The following STIM1 variants were observed in gnomAD, a reference collection of about 807,000 sequenced individuals.
STIM1 encodes the protein stromal interaction molecule 1.
Under a neutral mutation model 74.7 loss-of-function variants are expected in STIM1, and 25 were observed. The ratio of observed to expected loss-of-function variants is 0.33; its 90% CI spans 0.24 to 0.47. STIM1 has a LOEUF of 0.47. STIM1 is among the 20% of genes least tolerant of loss of function. The probability of loss-of-function intolerance (pLI) is 1.00; values close to 1 mark genes in which losing one functional copy is unlikely to be tolerated. For missense variants in STIM1, 728 were observed against 920.8 expected (o/e 0.79, Z 2.71); for synonymous variants, 328 against 348.8 (o/e 0.94, Z 0.66).
At position 4,082,362 on chromosome 11, in the gene STIM1, C is replaced by T; in HGVS notation, c.1137+11C>T. 1 of 1,604,608 alleles carries T rather than the reference C, an allele frequency of 6.2e-7. No individual in the cohort carries two copies. The highest frequency in any genetic ancestry group is 8.5e-7 in the Non-Finnish European group (1 of 1,175,916). ...GTGGCCAAGGAGGGGGTGAGAACAG[C>T]CCTTCTATTGTCCTCTTTTCTCCTT... On this transcript the variant is annotated intron_variant, in intron 8 of 12. Coordinates refer to ENST00000526596, the MANE Select transcript of STIM1 (RefSeq NM_001382567.1).
At chr11:4,067,640 G>A (rs2094376842) in intron 5 of STIM1, among the ~76,000 whole-genome samples, 2 of 152,332 alleles carry the variant, frequency 1.3e-5, no homozygotes, top group Middle Eastern at 3.4e-3. Flanking sequence ...GCAAGTTAGT[G>A]TCCCTTACAG....
At chr11:3,973,125 G>A in intron 2 of STIM1, 1 of 415,326 alleles carries the variant, frequency 2.4e-6, no homozygotes, top group East Asian at 6.2e-5. Flanking sequence ...AGCGTAACCA[G>A]GGCTGCCCCT....
chr11:3,856,477 C>A, intron 1 of STIM1, 68 bp downstream of exon 1: 1 of 1,559,010 alleles, frequency 6.4e-7, no homozygotes, highest in Non-Finnish European at 8.7e-7. Flanking sequence ...CCGAAGTGGG[C>A]AAGTTGAAAT....
chr11:3,908,542 G>A (rs866927695), intron 1 of STIM1, among the ~76,000 whole-genome samples: 22 of 151,752 alleles, frequency 1.4e-4, no homozygotes, highest in Middle Eastern at 3.4e-3. Flanking sequence ...AACCTGGGAG[G>A]TGGAGCTTGC....
intron 2 of STIM1, among the ~76,000 whole-genome samples, chr11:3,991,973 GAA>G (rs35772913): frequency 6.2e-3 from 509 of 82,140 alleles, no homozygotes; most frequent in African/African-American, 0.016. Flanking sequence ...AAAAAAAAAA[GAA>G]AAAAAAAAAA....
chr11:3,881,109 G>A lies in STIM1; in HGVS notation c.139+24700G>A, dbSNP rs866410468. Among the ~76,000 whole-genome samples the A allele has an allele frequency of 5.3e-3, 746 of 141,272 alleles. 6 individuals are homozygous for A. Among genetic ancestry groups the A allele is most frequent in the Middle Eastern group, 0.03 (8 of 268 alleles). The allele number at this position is 141,272 out of a possible 152,430, so 92.7% of individuals were successfully genotyped here. Reference sequence around the variant, plus strand: ...CGTTTATTAAAAAAAAAAAAAAAAAGGAAAATCACATAACATAAAATTAAT... The same window carrying A: ...CGTTTATTAAAAAAAAAAAAAAAAAAGAAAATCACATAACATAAAATTAAT... On this transcript the variant is annotated intron_variant, in intron 1 of 12. Coordinates refer to ENST00000526596, the MANE Select transcript of STIM1 (RefSeq NM_001382567.1).
chr11:4,045,897 G>C (rs1341934128), intron 3 of STIM1, among the ~76,000 whole-genome samples: 1 of 149,206 alleles, frequency 6.7e-6, no homozygotes, highest in African/African-American at 2.5e-5. Flanking sequence ...CTCCCGAGTA[G>C]CTGGGATTAC....
At position 3,879,570 on chromosome 11, in the gene STIM1, T is replaced by C. The variant is rs186917164; in HGVS notation, c.139+23161T>C. On this transcript the variant is annotated intron_variant, in intron 1 of 12. Coordinates refer to ENST00000526596, the MANE Select transcript of STIM1 (RefSeq NM_001382567.1). ...TGTTTAAGACCTGTCTTTTTGCTTA[T>C]CATGCCCACAGCTGCTCTGTGAGGT... Among the ~76,000 whole-genome samples, 390 of 152,354 alleles carry C rather than the reference T, an allele frequency of 2.6e-3. 4 individuals are homozygous for C. Among genetic ancestry groups the C allele is most frequent in the African/African-American group, 9.0e-3 (374 of 41,578 alleles).
At chr11:4,052,517 G>A (rs1325358662) in intron 3 of STIM1, among the ~76,000 whole-genome samples, 2 of 152,146 alleles carry the variant, frequency 1.3e-5, no homozygotes, top group South Asian at 2.1e-4. Context: ...AATGGTGTTG[G>A]GAAAACTGGC....
At chr11:3,990,477 G>C (rs2093600328) in intron 2 of STIM1, among the ~76,000 whole-genome samples, 1 of 152,144 alleles carries the variant, frequency 6.6e-6, no homozygotes, top group Non-Finnish European at 1.5e-5. Flanking sequence ...TGGGTCATAT[G>C]GTAACTGTGT....
At chr11:3,965,753 C>T (rs2093333958) in intron 1 of STIM1, among the ~76,000 whole-genome samples, 1 of 152,266 alleles carries the variant, frequency 6.6e-6, no homozygotes, top group Non-Finnish European at 1.5e-5. Flanking sequence ...TGCCTGTAAT[C>T]CCAGCACTTC....
intron 1 of STIM1, among the ~76,000 whole-genome samples, chr11:3,912,836 A>G (rs959590382): frequency 1.3e-5 from 2 of 152,210 alleles, no homozygotes; most frequent in African/African-American, 4.8e-5. Context: ...GTGTGGCCAC[A>G]TGTGTCAGTT....
chr11:3,992,709 G>A (rs897197285), intron 2 of STIM1, among the ~76,000 whole-genome samples: 2 of 152,084 alleles, frequency 1.3e-5, no homozygotes, highest in African/African-American at 4.8e-5. Context: ...CCAAGGTCGT[G>A]ATGACTTACC....
At chr11:3,963,705 C>G (rs1292806230) in intron 1 of STIM1, among the ~76,000 whole-genome samples, 1 of 152,090 alleles carries the variant, frequency 6.6e-6, no homozygotes, top group East Asian at 1.9e-4. Context: ...GGTACCAATC[C>G]CTTATGGAGA....
intron 2 of STIM1, among the ~76,000 whole-genome samples, chr11:3,970,649 A>C (rs1430937407): frequency 6.6e-6 from 1 of 152,018 alleles, no homozygotes; most frequent in African/African-American, 2.4e-5. Flanking sequence ...ATAAGATATT[A>C]AACAAAGCTA....
intron 1 of STIM1, among the ~76,000 whole-genome samples, chr11:3,941,696 A>AGAGAGAGAGAGAGAGT (rs1214690521): frequency 1.1e-4 from 16 of 141,872 alleles, no homozygotes; most frequent in Middle Eastern, 3.6e-3. Context: ...AGAGAGAGAG[A>AGAGAGAGAGAGAGAGT]GTGTGTGTGT....
chr11:4,071,335 A>G (rs1039002467), intron 6 of STIM1, among the ~76,000 whole-genome samples: 1 of 151,936 alleles, frequency 6.6e-6, no homozygotes, highest in Non-Finnish European at 1.5e-5. Context: ...TTGTCTTTTC[A>G]TTTATTTCTA....
At chr11:3,994,291 C>A (rs1362359201) in intron 2 of STIM1, among the ~76,000 whole-genome samples, 1 of 152,128 alleles carries the variant, frequency 6.6e-6, no homozygotes, top group Non-Finnish European at 1.5e-5. Flanking sequence ...CAAACTTTCT[C>A]ATTGCCTTTG....
intron 6 of STIM1, among the ~76,000 whole-genome samples, chr11:4,071,069 A>G (rs957601548): frequency 1.3e-5 from 2 of 152,230 alleles, no homozygotes; most frequent in Admixed American, 6.5e-5. Context: ...GGTAGCCTTT[A>G]AAGATGGGTA....
Sources: gnomAD v4.1 joint callset for allele counts (sites outside exome capture counted in the v4.1 genomes callset) on GRCh38, gnomAD v4.1.1 for gene constraint, MANE v1.5 for transcripts, NCBI Gene and HGNC (gene_info 2026-07-23, HGNC 2026-07-21) for gene names.